Variants in TGFBR3 observed in about 807,000 individuals in gnomAD.
TGFBR3 encodes transforming growth factor beta receptor 3.
In TGFBR3, 46 loss-of-function variants were observed where a neutral mutation model predicts 87.9. The ratio of observed to expected loss-of-function variants is 0.52; its 90% confidence interval spans 0.41 to 0.67. The LOEUF (loss-of-function observed/expected upper bound fraction) is 0.67, where lower values mean the gene tolerates loss of function less well. TGFBR3 is among the 30% of genes least tolerant of loss of function. The pLI is 0.00. For synonymous variants in TGFBR3, 381 were observed against 391.6 expected (o/e 0.97, Z 0.32); for missense variants, 866 against 1,041.9 (o/e 0.83, Z 2.32).
chr1:91,842,083 C>CA (rs1196070589), intron 2 of TGFBR3, among the ~76,000 whole-genome samples: 4 of 141,724 alleles, frequency 2.8e-5, no homozygotes, highest in African/African-American at 1.1e-4. Flanking sequence ...GCCTGGGTGA[C>CA]AGAGCAAGAC....
intron 12 of TGFBR3, 118 bp from the exon 13 acceptor site, chr1:91,712,660 A>G (rs1195098023): frequency 3.4e-6 from 3 of 875,466 alleles, no homozygotes; most frequent in East Asian, 2.6e-5. Context: ...TCTTCATAAC[A>G]TAGTTATAGC....
intron 2 of TGFBR3, among the ~76,000 whole-genome samples, chr1:91,800,328 ATATGTGTGTG>A (rs1356457991): frequency 8.2e-6 from 1 of 122,578 alleles, no homozygotes; most frequent in Non-Finnish European, 1.7e-5. Context: ...ATATATGTGT[ATATGTGTGTG>A]TGTGTGTGTG....
intron 2 of TGFBR3, among the ~76,000 whole-genome samples, chr1:91,856,032 T>C (rs1458887244): frequency 6.6e-6 from 1 of 151,976 alleles, no homozygotes; most frequent in African/African-American, 2.4e-5. Context: ...TGCTATATGA[T>C]AACGAAGGAA....
intron 5 of TGFBR3, among the ~76,000 whole-genome samples, chr1:91,730,265 T>G (rs916225984): frequency 6.6e-6 from 1 of 152,134 alleles, no homozygotes; most frequent in Admixed American, 6.5e-5. Flanking sequence ...TGACCTATCT[T>G]TCACATCTCT....
chr1:91,873,457 AT>A (rs963837959), intron 1 of TGFBR3, among the ~76,000 whole-genome samples: 12 of 148,962 alleles, frequency 8.1e-5, no homozygotes, highest in African/African-American at 1.5e-4. Flanking sequence ...TAATTTTTGT[AT>A]TTTTTTTTAG....
intron 13 of TGFBR3, among the ~76,000 whole-genome samples, chr1:91,710,514 G>A (rs548223647): frequency 1.3e-5 from 2 of 152,132 alleles, no homozygotes; most frequent in African/African-American, 2.4e-5. Flanking sequence ...GCAAAGGGCA[G>A]GGTTGGTCTC....
At chr1:91,707,233 A>C (rs1671828419) in intron 14 of TGFBR3, among the ~76,000 whole-genome samples, 1 of 152,206 alleles carries the variant, frequency 6.6e-6, no homozygotes. Context: ...GAAAGCTAAA[A>C]GCAGTGCCTT....
upstream of TGFBR3, chr1:91,886,316 C>T (rs374852910): frequency 3.0e-4 from 118 of 387,814 alleles, 1 homozygote; most frequent in African/African-American, 2.3e-3. Context: ...CTCCCGCCTC[C>T]CGCCTCCTCT....
chr1:91,757,229 A>G (rs1242667250), intron 4 of TGFBR3, among the ~76,000 whole-genome samples: 3 of 152,052 alleles, frequency 2.0e-5, no homozygotes, highest in Non-Finnish European at 1.5e-5. Context: ...ATGTCGTTCA[A>G]TTTGGTTTTG....
intron 3 of TGFBR3, among the ~76,000 whole-genome samples, chr1:91,770,159 G>A (rs1361051340): frequency 1.3e-5 from 2 of 151,816 alleles, no homozygotes; most frequent in Non-Finnish European, 2.9e-5. Context: ...GCAGACCAGG[G>A]TAAAAATGTA....
chr1:91,816,917 TA>T (rs1167038601), intron 2 of TGFBR3, among the ~76,000 whole-genome samples: 1 of 152,136 alleles, frequency 6.6e-6, no homozygotes, highest in Non-Finnish European at 1.5e-5. Context: ...TAGGTATTCT[TA>T]TTAAAGAAAA....
chr1:91,785,574 G>A (rs1367608718), intron 3 of TGFBR3, among the ~76,000 whole-genome samples: 2 of 152,142 alleles, frequency 1.3e-5, no homozygotes, highest in African/African-American at 2.4e-5. Context: ...CCCTTGATCT[G>A]TCCACCAGCC....
intron 4 of TGFBR3, among the ~76,000 whole-genome samples, chr1:91,749,508 T>C (rs1036199262): frequency 1.3e-5 from 2 of 152,310 alleles, no homozygotes; most frequent in African/African-American, 4.8e-5. Flanking sequence ...ATTAGAAGGC[T>C]AAAGGGACTC....
chr1:91,764,516 G>A lies in TGFBR3; in HGVS notation c.247-5766C>T, dbSNP rs901247560. Among the ~76,000 whole-genome samples the A allele has an allele frequency of 7.2e-5, 11 of 151,910 alleles. No individual in the cohort carries two copies. The South Asian group carries it at 1.5e-3, about 20-fold the overall frequency. On this transcript the variant is annotated intron_variant, in intron 3 of 16. Transcript: ENST00000212355. ...ACCTTCTAAAGGGGTCCTGGGAGCCGTTGCAAGGAGATTCCAGAGACCCAG... is the reference window on the plus strand; with the variant it reads ...ACCTTCTAAAGGGGTCCTGGGAGCCATTGCAAGGAGATTCCAGAGACCCAG...
rs140165097 is a variant in TGFBR3, at chr1:91,898,681, C to T, written c.-114+956G>A. 8.5e-5 allele frequency among the ~76,000 whole-genome samples: 13 copies of T among 152,304 alleles called. No individual in the cohort carries two copies. The East Asian group carries it at 2.5e-3, about 29-fold the overall frequency. On this transcript the variant is annotated intron_variant, in intron 2 of 17. Coordinates refer to the TGFBR3 transcript ENST00000370399. Reference sequence around the variant, plus strand: ...CTCGATCTCCTGACCTCGTGATCCACCCGCCTTGGCCTCCCAAAGTGCTGG... The same window carrying T: ...CTCGATCTCCTGACCTCGTGATCCATCCGCCTTGGCCTCCCAAAGTGCTGG...
Position 91,850,953 on chromosome 1 carries a change from G to A in TGFBR3, c.61+10518C>T, listed in dbSNP as rs574666374. Among the ~76,000 whole-genome samples the A allele has an allele frequency of 2.8e-4, 42 of 152,248 alleles. No homozygotes were observed. In the South Asian group the frequency reaches 7.5e-3, roughly 27 times the overall value. On this transcript the variant is annotated intron_variant, in intron 2 of 16. Transcript: ENST00000212355. ...CCTGGTCAATCTTCTGGACTAGGAC[G>A]CAGTTACTCAGGCATATGAGGACAA...
chr1:91,710,830 A>C (rs1456066656), intron 13 of TGFBR3, among the ~76,000 whole-genome samples: 1 of 152,174 alleles, frequency 6.6e-6, no homozygotes, highest in Non-Finnish European at 1.5e-5. Flanking sequence ...TCTCAGTCCC[A>C]GGCTCTTTCC....
chr1:91,849,122 C>G (rs1677619674), intron 2 of TGFBR3, among the ~76,000 whole-genome samples: 1 of 152,106 alleles, frequency 6.6e-6, no homozygotes, highest in Admixed American at 6.5e-5. Flanking sequence ...ATAAGGAGTC[C>G]TGGTCATCAT....
intron 2 of TGFBR3, among the ~76,000 whole-genome samples, chr1:91,830,713 T>C (rs1676829009): frequency 1.3e-5 from 2 of 152,084 alleles, no homozygotes; most frequent in African/African-American, 2.4e-5. Flanking sequence ...GATCTCGGTC[T>C]GGGGCACAGG....
Sources: allele counts gnomAD v4.1 joint callset (sites outside exome capture counted in the v4.1 genomes callset), GRCh38; gene constraint gnomAD v4.1.1; transcripts MANE v1.5; gene names NCBI Gene and HGNC (gene_info 2026-07-23, HGNC 2026-07-21).